The following ITCH variants were observed in gnomAD, a reference collection of about 807,000 sequenced individuals.
ITCH encodes the protein E3 ubiquitin-protein ligase Itchy homolog.
ITCH carries 28 observed loss-of-function variants against 126.8 expected under a neutral mutation model. That is an observed-to-expected ratio of 0.22 (90% CI 0.16 to 0.30). The LOEUF is 0.30. ITCH is among the 10% of genes least tolerant of loss of function. The pLI is 1.00. For missense variants in ITCH, 631 were observed against 1,032.4 expected (o/e 0.61, Z 5.33); for synonymous variants, 342 against 340.0 (o/e 1.01, Z -0.06).
At chr20:34,480,817 C>G in intron 19 of ITCH, 85 bp downstream of exon 19, 2 of 1,137,838 alleles carry the variant, frequency 1.8e-6, no homozygotes, top group East Asian at 2.5e-5. Flanking sequence ...ACTGTAGGCA[C>G]ATAATTGGTT....
intron 16 of ITCH, among the ~76,000 whole-genome samples, chr20:34,477,394 G>A (rs1988330942): frequency 6.6e-6 from 1 of 152,166 alleles, no homozygotes; most frequent in Admixed American, 6.5e-5. Flanking sequence ...GCCGGGCGTG[G>A]TGGCGCACAC....
At chr20:34,435,786 A>G (rs1982934664) in intron 7 of ITCH, among the ~76,000 whole-genome samples, 1 of 152,210 alleles carries the variant, frequency 6.6e-6, no homozygotes, top group African/African-American at 2.4e-5. Flanking sequence ...AATTGAAACT[A>G]CTAGGGAAAG....
intron 20 of ITCH, 62 bp downstream of exon 20, chr20:34,481,268 A>G (rs1039610620): frequency 8.2e-6 from 12 of 1,456,092 alleles, no homozygotes; most frequent in African/African-American, 1.4e-5. Flanking sequence ...ATAATTGCTT[A>G]CTAATACTAA....
rs187962067 is a variant in ITCH at position 34,450,257 on chromosome 20, A to G, written c.1210+777A>G. On this transcript the variant is annotated intron_variant, in intron 12 of 24. Coordinates refer to ENST00000374864, the MANE Select transcript of ITCH (RefSeq NM_031483.7). Reference sequence around the variant, plus strand: ...AAGTATATGTGAGACTTTTTGTGCAATTTTTTACATCCTGTGAGTAATAAT... The same window carrying G: ...AAGTATATGTGAGACTTTTTGTGCAGTTTTTTACATCCTGTGAGTAATAAT... 5.2e-3 allele frequency among the ~76,000 whole-genome samples: 798 copies of G among 152,286 alleles called. 3 individuals are homozygous for G. Among genetic ancestry groups the G allele is most frequent in the Admixed American group, 0.011 (163 of 15,280 alleles).
intron 2 of ITCH, among the ~76,000 whole-genome samples, chr20:34,391,836 T>C (rs535484947): frequency 6.6e-6 from 1 of 152,330 alleles, no homozygotes; most frequent in South Asian, 2.1e-4. Flanking sequence ...AAGTTAATTT[T>C]AGTTTTTAAA....
chr20:34,455,872 C>G (rs1985852142), intron 12 of ITCH, among the ~76,000 whole-genome samples: 1 of 151,650 alleles, frequency 6.6e-6, no homozygotes, highest in Admixed American at 6.6e-5. Flanking sequence ...AATCCTAAAG[C>G]AAGAGGCAGT....
At chr20:34,364,479 G>A (rs1390523554) in intron 1 of ITCH, among the ~76,000 whole-genome samples, 1 of 151,978 alleles carries the variant, frequency 6.6e-6, no homozygotes, top group Non-Finnish European at 1.5e-5. Context: ...TCTCAAAATC[G>A]GCTAAGGAAT....
At chr20:34,438,402 G>T (rs1250524653) in intron 7 of ITCH, 72 bp from the exon 8 acceptor site, 6 of 1,527,150 alleles carry the variant, frequency 3.9e-6, no homozygotes, top group South Asian at 1.1e-5. Context: ...TCCTCCTGCT[G>T]TTTTTTTTCT....
chr20:34,488,280 A>G (rs1415636253), intron 20 of ITCH, among the ~76,000 whole-genome samples: 1 of 151,452 alleles, frequency 6.6e-6, no homozygotes, highest in Non-Finnish European at 1.5e-5. Context: ...TCTTTATTTC[A>G]CCTTCATTTT....
At chr20:34,455,765 A>G (rs1219504603) in intron 12 of ITCH, among the ~76,000 whole-genome samples, 1 of 151,942 alleles carries the variant, frequency 6.6e-6, no homozygotes, top group Non-Finnish European at 1.5e-5. Context: ...GGCATGAGCT[A>G]CTGCGCCCGG....
chr20:34,418,824 C>T (rs553316816), intron 6 of ITCH, among the ~76,000 whole-genome samples: 2 of 142,728 alleles, frequency 1.4e-5, no homozygotes, highest in Admixed American at 7.6e-5. Context: ...TGCAATGGCG[C>T]GATCTCGGCT....
At chr20:34,443,616 T>C (rs1031523328) in intron 10 of ITCH, among the ~76,000 whole-genome samples, 26 of 152,158 alleles carry the variant, frequency 1.7e-4, no homozygotes, top group Admixed American at 1.2e-3. Context: ...GAAGGAAATA[T>C]ACCCTGAAAA....
intron 16 of ITCH, chr20:34,476,488 G>T: frequency 1.7e-6 from 2 of 1,205,604 alleles, no homozygotes; most frequent in Non-Finnish European, 2.1e-6. Flanking sequence ...CCGCGGTCGG[G>T]AACTCAAAAG....
At chr20:34,451,585 T>C (rs1356240579) in intron 12 of ITCH, among the ~76,000 whole-genome samples, 1 of 152,230 alleles carries the variant, frequency 6.6e-6, no homozygotes, top group Non-Finnish European at 1.5e-5. Context: ...TGAAGTACTT[T>C]AGAAGAGGGG....
intron 23 of ITCH, among the ~76,000 whole-genome samples, chr20:34,499,669 T>C (rs577671265): frequency 1.3e-5 from 2 of 152,204 alleles, no homozygotes; most frequent in Admixed American, 6.5e-5. Context: ...TTTGTCTTCA[T>C]TTTTAGCCTC....
At chr20:34,375,316 C>T (rs1284301824) in intron 2 of ITCH, among the ~76,000 whole-genome samples, 1 of 150,362 alleles carries the variant, frequency 6.7e-6, no homozygotes, top group Non-Finnish European at 1.5e-5. Flanking sequence ...GCTGAGATTA[C>T]AGGCGTGAGC....
chr20:34,374,265 CAAAG>C (rs2037752242), intron 2 of ITCH, among the ~76,000 whole-genome samples: 1 of 151,996 alleles, frequency 6.6e-6, no homozygotes, highest in Non-Finnish European at 1.5e-5. Flanking sequence ...TAGTTGGTCA[CAAAG>C]GAAAGGATTT....
At chr20:34,384,592 A>T (rs1317544776) in intron 2 of ITCH, among the ~76,000 whole-genome samples, 2 of 151,532 alleles carry the variant, frequency 1.3e-5, no homozygotes, top group Non-Finnish European at 2.9e-5. Context: ...TGTAATTCTC[A>T]AATAATGTTT....
intron 3 of ITCH, among the ~76,000 whole-genome samples, chr20:34,400,106 T>G (rs2038820966): frequency 6.6e-6 from 1 of 151,902 alleles, no homozygotes; most frequent in African/African-American, 2.4e-5. Context: ...GCCCAGCTGA[T>G]TTTTGTATTT....
Sources: gnomAD v4.1 joint callset for allele counts (sites outside exome capture counted in the v4.1 genomes callset) on GRCh38, gnomAD v4.1.1 for gene constraint, MANE v1.5 for transcripts, NCBI Gene and HGNC (gene_info 2026-07-23, HGNC 2026-07-21) for gene names.